TUT1: variants seen among roughly 807,000 people sequenced by gnomAD.
The protein encoded by TUT1 is terminal uridylyl transferase 1, U6 snRNA-specific, also known as speckle targeted PIP5K1A-regulated poly(A) polymerase.
A neutral mutation model predicts 48.8 loss-of-function variants in TUT1; 26 were observed. That is an observed-to-expected ratio of 0.53 (90% CI 0.39 to 0.74). The LOEUF (loss-of-function observed/expected upper bound fraction) is 0.74. Among genes scored for constraint, TUT1 ranks in the 30% least tolerant of loss-of-function variants. The pLI, the probability that TUT1 is intolerant of heterozygous loss-of-function variation, is 0.00. For missense variants in TUT1, 1,065 were observed against 1,114.8 expected, an observed-to-expected ratio of 0.96 and a Z score of 0.64; for synonymous variants, 470 against 460.8, an observed-to-expected ratio of 1.02 and a Z score of -0.26.
chr11:62,576,915 T>C lies in TUT1; in HGVS notation c.1373A>G (p.Gln458Arg), dbSNP rs1418001883. ...GAGGCTAGGCCGAGTACCTGCTTTC[T>C]GGGTGAGCTGGGACACAGTGGGCAA... ...PVLPTVSQLT[Q>R]KAGEGEQVEV... Residue 458 changes from glutamine (Q) to arginine (R), a missense_variant, in exon 7 of 9, where the codon CAG (glutamine) becomes CGG (arginine). Transcript: ENST00000476907. The C allele has an allele frequency of 1.2e-6, 2 of 1,613,956 alleles. No individual in the cohort carries two copies. The highest frequency in any genetic ancestry group is 1.7e-6 in the Non-Finnish European group (2 of 1,179,984).
At chr11:62,580,875 G>A (rs954901791) in intron 4 of TUT1, among the ~76,000 whole-genome samples, 1 of 152,024 alleles carries the variant, frequency 6.6e-6, no homozygotes, top group Non-Finnish European at 1.5e-5. Context: ...CTCCCAAAGT[G>A]CTGGGATTAC....
chr11:62,585,477 GCTC>G (rs536538535), intron 2 of TUT1, among the ~76,000 whole-genome samples: 21 of 152,296 alleles, frequency 1.4e-4, no homozygotes, highest in African/African-American at 4.8e-4. Flanking sequence ...GCCTGTCTGT[GCTC>G]CTATTTTTCT....
At chr11:62,579,826 C>G (rs751210158) in intron 4 of TUT1, among the ~76,000 whole-genome samples, 1 of 152,036 alleles carries the variant, frequency 6.6e-6, no homozygotes, top group East Asian at 1.9e-4. Flanking sequence ...CCACCATACC[C>G]GGCTGATTTT....
rs778132620 is a variant in TUT1, at chr11:62,576,688, T to C, written c.1443A>G (p.Arg481=). 3.7e-6 allele frequency: 6 copies of C among 1,614,052 alleles called. No individual in the cohort carries two copies. The Admixed American group carries it at 1.0e-4, about 27-fold the overall frequency. ...GCTCCACATTTATGCTGGGCTCCAG[T>C]CTTGAGGCATCCCTGGGGAAACTGC... The part of the protein sequence containing the change: ...WDCSFPRDAS[R]LEPSINVEPL... Residue 481 remains arginine (R), a synonymous_variant, in exon 8 of 9, where the codon AGA becomes AGG. Transcript: ENST00000476907.
At chr11:62,578,417 T>A (rs1382494996) in intron 5 of TUT1, 144 bp downstream of exon 5, 1 of 733,484 alleles carries the variant, frequency 1.4e-6, no homozygotes, top group Non-Finnish European at 2.2e-6. Context: ...TGGTGGCGCA[T>A]GCCTGTAATC....
chr11:62,591,367 G>C (rs778237890), intron 1 of TUT1, 37 bp downstream of exon 1: 3 of 1,504,314 alleles, frequency 2.0e-6, no homozygotes, highest in South Asian at 2.7e-5. Context: ...ACGAAAGCCC[G>C]CAACCACCCC....
At chr11:62,579,053 T>G in intron 4 of TUT1, 23 bp from the exon 5 acceptor site, 1 of 1,476,554 alleles carries the variant, frequency 6.8e-7, no homozygotes, top group South Asian at 1.5e-5. Flanking sequence ...ATGAACTGAG[T>G]GAAATGTTTC....
chr11:62,579,609 T>C (rs767250790), intron 4 of TUT1, among the ~76,000 whole-genome samples: 1 of 151,694 alleles, frequency 6.6e-6, no homozygotes, highest in Non-Finnish European at 1.5e-5. Flanking sequence ...ATATAGAAAC[T>C]ACTTTCTGCT....
chr11:62,576,862 A>AG (rs765285401), intron 7 of TUT1, 45 bp downstream of exon 7: 9 of 1,602,274 alleles, frequency 5.6e-6, no homozygotes, highest in Non-Finnish European at 7.7e-6. Flanking sequence ...TGAAGAAGAG[A>AG]GAGGAAACTA....
chr11:62,584,041 G>A (rs189298920), intron 2 of TUT1, among the ~76,000 whole-genome samples: 3 of 152,092 alleles, frequency 2.0e-5, no homozygotes, highest in African/African-American at 7.2e-5. Flanking sequence ...AGGATAAGGC[G>A]TTTCTTTTTG....
chr11:62,591,440 A>AC lies in TUT1; in HGVS notation c.45dup (p.Phe16ValfsTer17). The AC allele has an allele frequency of 1.2e-6, 2 of 1,604,766 alleles. No homozygotes were observed. The highest frequency in any genetic ancestry group is 1.1e-5 in the South Asian group (1 of 89,076). ...GTAACGTGGCAGAGGCAGCAGCGGAACCCCCCACGCGGCAGCGATTCGACA... is the reference window on the plus strand; with the variant it reads ...GTAACGTGGCAGAGGCAGCAGCGGAACCCCCCCACGCGGCAGCGATTCGACA... On this transcript the variant is annotated frameshift_variant, in exon 1 of 9. Transcript: ENST00000476907. LOFTEE classifies it high-confidence loss of function.
intron 1 of TUT1, among the ~76,000 whole-genome samples, chr11:62,589,764 T>C (rs544867970): frequency 6.6e-6 from 1 of 152,226 alleles, no homozygotes; most frequent in Non-Finnish European, 1.5e-5. Context: ...AAAATTTGGA[T>C]CATGGAATAC....
chr11:62,581,550 G>A lies in TUT1; in HGVS notation c.425C>T (p.Ala142Val), dbSNP rs779829315. Residue 142 changes from alanine to valine, a missense_variant, in exon 3 of 9, where the codon GCG becomes GTG. Ala to Val is a moderately conservative substitution (Grantham distance 64). Coordinates refer to ENST00000476907, the MANE Select transcript of TUT1 (RefSeq NM_022830.3). ...GGCCAGCTGGTGACTGTCGGGGGCC[G>A]CTCCTTTGGGGGATTTGGAGGCCGG... ...QSPASKSPKGAAPDSHQLAKA... is the reference protein window; with the variant it reads ...QSPASKSPKGVAPDSHQLAKA... 21 of 1,612,882 alleles carry A rather than the reference G, an allele frequency of 1.3e-5. No homozygotes were observed. The highest frequency in any genetic ancestry group is 1.6e-4 in the Middle Eastern group (1 of 6,080).
rs1255471702 is a variant in TUT1 at position 62,577,236 on chromosome 11, C to T, written c.1216G>A (p.Val406Ile). The T allele has an allele frequency of 2.5e-6, 4 of 1,611,248 alleles. No homozygotes were observed. Among genetic ancestry groups the T allele is most frequent in the Admixed American group, 1.7e-5 (1 of 58,806 alleles). ...CGGAGGGTGTACACGAGGGGCCGGA[C>T]TCGACCATCCAGCTCAGAGCAGAGA... ...LSLCSELDGR[V>I]RPLVYTLRCW... The change falls in exon 6 of 9, where the codon GTC (valine) becomes ATC (isoleucine). Residue 406 changes from valine to isoleucine, a missense_variant. Coordinates refer to ENST00000476907, the MANE Select transcript of TUT1 (RefSeq NM_022830.3).
intron 2 of TUT1, among the ~76,000 whole-genome samples, chr11:62,587,680 T>G (rs972674761): frequency 2.0e-5 from 3 of 152,242 alleles, no homozygotes; most frequent in African/African-American, 7.2e-5. Context: ...ATTTGTAGTT[T>G]GGTTGCTGAA....
chr11:62,586,043 G>A (rs1247359253), intron 2 of TUT1, among the ~76,000 whole-genome samples: 20 of 152,016 alleles, frequency 1.3e-4, no homozygotes, highest in African/African-American at 4.6e-4. Flanking sequence ...CAGAGTTTGC[G>A]GTGAGCTGAG....
chr11:62,576,363 T>C (rs934338108), intron 8 of TUT1, 119 bp from the exon 9 acceptor site: 30 of 1,277,108 alleles, frequency 2.3e-5, no homozygotes, highest in African/African-American at 3.0e-5. Context: ...CTCAGCAGAG[T>C]CCCAGGAAGC....
intron 2 of TUT1, among the ~76,000 whole-genome samples, chr11:62,588,823 T>C (rs1218809025): frequency 6.6e-6 from 1 of 152,240 alleles, no homozygotes; most frequent in Non-Finnish European, 1.5e-5. Flanking sequence ...GCATCCCAAG[T>C]AGCTGGGACT....
At chr11:62,591,272 G>A in intron 1 of TUT1, 132 bp downstream of exon 1, 4 of 1,390,728 alleles carry the variant, frequency 2.9e-6, no homozygotes, top group African/African-American at 1.5e-5. Context: ...GACTTGCAGA[G>A]AAAAACGGAG....
Sources: gnomAD v4.1 joint callset for allele counts (sites outside exome capture counted in the v4.1 genomes callset) on GRCh38, gnomAD v4.1.1 for gene constraint, MANE v1.5 for transcripts, NCBI Gene and HGNC (gene_info 2026-07-23, HGNC 2026-07-21) for gene names.